The following TEAD4 variants were observed in gnomAD, a reference collection of about 807,000 sequenced individuals.
TEAD4 encodes transcriptional enhancer factor TEF-3.
In TEAD4, 36 loss-of-function variants were observed where a neutral mutation model predicts 52.4. That is an observed-to-expected ratio of 0.69 (90% CI 0.53 to 0.91). TEAD4 has a LOEUF of 0.91. Among genes scored for constraint, TEAD4 ranks in the 40% least tolerant of loss-of-function variants. The pLI is 0.00. For synonymous variants in TEAD4, 220 were observed against 231.0 expected (o/e 0.95, Z 0.43); for missense variants, 508 against 583.9 (o/e 0.87, Z 1.34).
chr12:3,010,692 G>A (rs1484785610), intron 3 of TEAD4, among the ~76,000 whole-genome samples: 4 of 152,182 alleles, frequency 2.6e-5, no homozygotes, highest in African/African-American at 2.4e-5. Flanking sequence ...GGCCGCCAGC[G>A]CTGGGTGAGG....
chr12:3,035,838 AG>A lies in TEAD4; in HGVS notation c.898-2129del, dbSNP rs770027886. ...CTGTCTTTAACAAAAAAAAAAAAAAAGAAGAAGAAGAAGAAAACAGGAGCCC... is the reference window on the plus strand; with the variant it reads ...CTGTCTTTAACAAAAAAAAAAAAAAAAAGAAGAAGAAGAAAACAGGAGCCC... On this transcript the variant is annotated intron_variant, in intron 10 of 12. Transcript: ENST00000359864. Among the ~76,000 whole-genome samples, 253 of 144,046 alleles carry A rather than the reference AG, an allele frequency of 1.8e-3. 2 individuals carry two copies. The highest frequency in any genetic ancestry group is 7.6e-3 in the Middle Eastern group (2 of 262). 94.5% of individuals were successfully genotyped at this position (144,046 alleles called of 152,430 possible).
chr12:2,961,570 A>C (rs868016105), intron 2 of TEAD4, among the ~76,000 whole-genome samples: 2 of 152,154 alleles, frequency 1.3e-5, no homozygotes, highest in Non-Finnish European at 2.9e-5. Context: ...AGACCAGGGT[A>C]CAAATCCTGA....
chr12:2,998,623 G>T (rs1295061837), intron 3 of TEAD4, among the ~76,000 whole-genome samples: 2 of 151,954 alleles, frequency 1.3e-5, no homozygotes, highest in Non-Finnish European at 2.9e-5. Flanking sequence ...AGCATCCTGG[G>T]CATCTGTGAT....
At chr12:2,978,696 G>A (rs1357736484) in intron 2 of TEAD4, among the ~76,000 whole-genome samples, 3 of 151,878 alleles carry the variant, frequency 2.0e-5, no homozygotes, top group African/African-American at 4.8e-5. Context: ...GAACCACTGC[G>A]CCTGACAATG....
In TEAD4 at chr12:2,976,296, A is replaced by G. The variant is rs2098229607; in HGVS notation, c.-30+16256A>G. On this transcript the variant is annotated intron_variant, in intron 2 of 12. Transcript: ENST00000359864. ...CAAAGTGCTGGGATTACAGGCGTGAACCTCCACACCTGGCCATCTCATTTC... is the reference window on the plus strand; with the variant it reads ...CAAAGTGCTGGGATTACAGGCGTGAGCCTCCACACCTGGCCATCTCATTTC... Among the ~76,000 whole-genome samples, 9 of 149,598 alleles carry G rather than the reference A, an allele frequency of 6.0e-5. No homozygotes were observed. The South Asian group carries it at 1.9e-3, about 32-fold the overall frequency.
intron 10 of TEAD4, among the ~76,000 whole-genome samples, chr12:3,029,649 G>A (rs185315071): frequency 9.2e-5 from 14 of 152,298 alleles, no homozygotes; most frequent in Non-Finnish European, 1.6e-4. Flanking sequence ...CCAAAGTGCT[G>A]GGATTACAGG....
Position 3,040,095 on chromosome 12 carries a change from C to T in TEAD4, c.1039-12C>T, listed in dbSNP as rs151171262. On this transcript the variant is annotated splice_polypyrimidine_tract_variant and intron_variant, in intron 11 of 12. Transcript: ENST00000359864. ...TGGGATTCTAAGCCCCTGCTCTCCC[C>T]GGGTCCTGCAGACAGAGTATGCTCG... 3.4e-4 allele frequency: 545 copies of T among 1,613,764 alleles called. 2 individuals carry two copies. The highest frequency in any genetic ancestry group is 4.1e-4 in the Non-Finnish European group (486 of 1,179,728).
chr12:3,010,826 G>A (rs2098259714), intron 3 of TEAD4, among the ~76,000 whole-genome samples, 178 bp from the exon 4 acceptor site: 2 of 152,148 alleles, frequency 1.3e-5, no homozygotes, highest in South Asian at 2.1e-4. Context: ...TCTTCCTCTC[G>A]CTGCTGGGAG....
chr12:3,011,044 A>G lies in TEAD4; in HGVS notation c.267A>G (p.Thr89=). 1.2e-6 allele frequency: 2 copies of G among 1,614,134 alleles called. No individual in the cohort carries two copies. The highest frequency in any genetic ancestry group is 4.5e-5 in the East Asian group (2 of 44,876). ...TTGCCCGCTACATCAAGCTCCGGACAGGGAAGACCCGCACCAGGAAGCAGG... is the reference window on the plus strand; with the variant it reads ...TTGCCCGCTACATCAAGCTCCGGACGGGGAAGACCCGCACCAGGAAGCAGG... Residue 89 remains threonine, a synonymous_variant, in exon 4 of 13, where the codon ACA becomes ACG. Transcript: ENST00000359864.
chr12:2,998,218 A>G (rs1415750640), intron 3 of TEAD4, among the ~76,000 whole-genome samples: 1 of 152,174 alleles, frequency 6.6e-6, no homozygotes, highest in African/African-American at 2.4e-5. Context: ...TGTATAGACC[A>G]CATTCTGTTT....
chr12:2,963,573 C>T (rs1391400321), intron 2 of TEAD4, among the ~76,000 whole-genome samples: 1 of 152,188 alleles, frequency 6.6e-6, no homozygotes, highest in Non-Finnish European at 1.5e-5. Flanking sequence ...AGGGCTTTGT[C>T]ACTGGGGAGA....
intron 2 of TEAD4, among the ~76,000 whole-genome samples, chr12:2,972,790 C>T (rs1177162181): frequency 2.6e-5 from 4 of 152,086 alleles, no homozygotes; most frequent in Admixed American, 1.3e-4. Context: ...CGTGAGCCAC[C>T]GCGCCTGTAG....
At chr12:3,011,445 T>C (rs1276304224) in intron 4 of TEAD4, among the ~76,000 whole-genome samples, 1 of 152,136 alleles carries the variant, frequency 6.6e-6, no homozygotes, top group African/African-American at 2.4e-5. Context: ...TTGGCCAGGC[T>C]GGTCTCGAAT....
chr12:3,034,547 C>T (rs887601919), intron 10 of TEAD4, among the ~76,000 whole-genome samples: 1 of 152,198 alleles, frequency 6.6e-6, no homozygotes, highest in South Asian at 2.1e-4. Flanking sequence ...CTCTGTGTGT[C>T]TGGAAGAGCT....
At chr12:3,034,094 C>A (rs906461339) in intron 10 of TEAD4, among the ~76,000 whole-genome samples, 2 of 151,498 alleles carry the variant, frequency 1.3e-5, no homozygotes, top group South Asian at 2.1e-4. Flanking sequence ...TTTGTTCTCC[C>A]GATTATAAAT....
intron 2 of TEAD4, among the ~76,000 whole-genome samples, chr12:2,963,043 G>A (rs1323988640): frequency 6.6e-6 from 1 of 152,196 alleles, no homozygotes. Flanking sequence ...CTCCGACCTG[G>A]CAGAAAGCAC....
intron 2 of TEAD4, among the ~76,000 whole-genome samples, chr12:2,960,635 T>A (rs1417775689): frequency 2.0e-5 from 3 of 152,196 alleles, no homozygotes; most frequent in Non-Finnish European, 2.9e-5. Context: ...TCTGTTCACG[T>A]GTGGCTCACC....
chr12:2,963,102 G>A (rs908073107), intron 2 of TEAD4, among the ~76,000 whole-genome samples: 1 of 152,160 alleles, frequency 6.6e-6, no homozygotes, highest in Non-Finnish European at 1.5e-5. Context: ...CTGTGGAGTC[G>A]GGAAGGGGCC....
intron 3 of TEAD4, among the ~76,000 whole-genome samples, chr12:3,002,987 C>T (rs1468383833): frequency 1.3e-5 from 2 of 152,206 alleles, no homozygotes; most frequent in Non-Finnish European, 2.9e-5. Context: ...CTTCTCCAGC[C>T]CCAGGTGTTT....
Sources: allele counts gnomAD v4.1 joint callset (sites outside exome capture counted in the v4.1 genomes callset), GRCh38; gene constraint gnomAD v4.1.1; transcripts MANE v1.5; gene names NCBI Gene and HGNC (gene_info 2026-07-23, HGNC 2026-07-21).